CADPS: variants seen among roughly 807,000 people sequenced by gnomAD.
CADPS encodes calcium dependent secretion activator.
Under a neutral mutation model 167.3 loss-of-function variants are expected in CADPS, and 57 were observed. The observed-to-expected ratio is 0.34, with a 90% confidence interval of 0.28 to 0.42. The LOEUF (loss-of-function observed/expected upper bound fraction) is 0.42. CADPS is among the 20% of genes least tolerant of loss of function. The pLI is 1.00. For missense variants in CADPS, 1,414 were observed against 1,738.1 expected, an observed-to-expected ratio of 0.81 and a Z score of 3.32; for synonymous variants, 676 against 635.3, an observed-to-expected ratio of 1.06 and a Z score of -0.96.
chr3:62,460,375 C>T (rs2059191028), intron 26 of CADPS, among the ~76,000 whole-genome samples: 1 of 152,194 alleles, frequency 6.6e-6, no homozygotes, highest in Non-Finnish European at 1.5e-5. Flanking sequence ...AGTGAATAAT[C>T]TGGTGATGTT....
Position 62,481,845 on chromosome 3 carries a change from A to T in CADPS, c.3051T>A (p.Asn1017Lys). The T allele has an allele frequency of 6.2e-7, 1 of 1,611,736 alleles. No homozygotes were observed. The highest frequency in any genetic ancestry group is 1.1e-5 in the South Asian group (1 of 90,340). ...GAAGGTTCACATTGGGTAGGTTCAC[A>T]TTGGGTAGGTTACTGGTTAAACTCC... ...PVKSLTSNLP[N>K]VNLPNVNLPK... The change falls in exon 22 of 30, where the codon AAT becomes AAA. Residue 1017 changes from asparagine (N) to lysine (K), a missense_variant. By Grantham distance (94) the Asn-to-Lys change is moderately conservative. Transcript: ENST00000383710.
chr3:62,832,808 C>T (rs929887533), intron 1 of CADPS, among the ~76,000 whole-genome samples: 4 of 152,200 alleles, frequency 2.6e-5, no homozygotes, highest in African/African-American at 4.8e-5. Context: ...ATTGCAACTG[C>T]TGAAAAATCT....
At chr3:62,788,603 T>C (rs555692131) in intron 1 of CADPS, among the ~76,000 whole-genome samples, 7 of 152,332 alleles carry the variant, frequency 4.6e-5, no homozygotes, top group African/African-American at 1.7e-4. Flanking sequence ...ATGTGTACTT[T>C]AGTCCTGTTT....
chr3:62,717,554 T>C (rs1156637094), intron 3 of CADPS, among the ~76,000 whole-genome samples: 2 of 152,200 alleles, frequency 1.3e-5, no homozygotes, highest in Non-Finnish European at 2.9e-5. Flanking sequence ...ATCATGCTTA[T>C]TTCCTTTTTC....
chr3:62,802,074 A>G (rs574319858), intron 1 of CADPS, among the ~76,000 whole-genome samples: 5 of 152,282 alleles, frequency 3.3e-5, no homozygotes, highest in Non-Finnish European at 7.3e-5. Flanking sequence ...GCTGACCTAC[A>G]CAGCAAAAGT....
chr3:62,718,428 C>T (rs2075104172), intron 3 of CADPS, among the ~76,000 whole-genome samples: 1 of 152,204 alleles, frequency 6.6e-6, no homozygotes, highest in South Asian at 2.1e-4. Context: ...TATCTTTGAA[C>T]TCAAAGAGAA....
chr3:62,759,163 T>C (rs2084738297), intron 2 of CADPS, among the ~76,000 whole-genome samples: 1 of 152,140 alleles, frequency 6.6e-6, no homozygotes, highest in Admixed American at 6.6e-5. Context: ...TGTTGCTTGC[T>C]AGCTTTGCCA....
intron 10 of CADPS, among the ~76,000 whole-genome samples, chr3:62,555,684 T>C (rs1348632589): frequency 6.6e-6 from 1 of 152,194 alleles, no homozygotes; most frequent in Non-Finnish European, 1.5e-5. Context: ...TGGTATTGAT[T>C]TCCCTTCTCA....
intron 2 of CADPS, among the ~76,000 whole-genome samples, chr3:62,756,787 C>T (rs1000231952): frequency 2.0e-5 from 3 of 152,052 alleles, no homozygotes; most frequent in Non-Finnish European, 4.4e-5. Context: ...TGTGAAGACC[C>T]CAAGTGCCTG....
chr3:62,456,112 A>C (rs2058657283), intron 26 of CADPS, among the ~76,000 whole-genome samples: 1 of 152,070 alleles, frequency 6.6e-6, no homozygotes, highest in African/African-American at 2.4e-5. Context: ...AGTTCTATTA[A>C]ACTAGCTGTG....
intron 6 of CADPS, 125 bp from the exon 7 acceptor site, chr3:62,592,873 TCTC>T (rs956920569): frequency 4.4e-5 from 25 of 569,372 alleles, no homozygotes; most frequent in Admixed American, 1.9e-4. Flanking sequence ...CACATCCTCT[TCTC>T]CTCCCCTTCA....
In CADPS at chr3:62,874,719, T is replaced by C; in HGVS notation, c.311A>G (p.Glu104Gly). 1.3e-6 allele frequency: 2 copies of C among 1,536,882 alleles called. No individual in the cohort carries two copies. The highest frequency in any genetic ancestry group is 1.8e-6 in the Non-Finnish European group (2 of 1,133,506). The change falls in exon 1 of 30, where the codon GAG (glutamate) becomes GGG (glycine). Residue 104 changes from glutamate to glycine, a missense_variant. Physicochemically the swap from Glu to Gly is moderately conservative, Grantham distance 98. Around this residue, in one of 6 missense-constraint regions of CADPS, gnomAD observed 522 missense variants for 559.5 expected, o/e 0.93. Transcript: ENST00000383710. This position sits in a 1 kb window ranked among gnomAD's most constrained non-coding sequence, Gnocchi z 7.1. ...PSVVSEKEKEELERLQKEEEE... is the reference protein window; with the variant it reads ...PSVVSEKEKEGLERLQKEEEE... ...CTCCTCTTTCTGCAGCCGCTCCAAC[T>C]CTTCCTTCTCCTTCTCGCTCACCAC...
chr3:62,689,096 T>C lies in CADPS; in HGVS notation c.889-26702A>G, dbSNP rs184131995. Among the ~76,000 whole-genome samples the C allele has an allele frequency of 2.9e-3, 439 of 152,222 alleles. 1 individual carries two copies. The Middle Eastern group carries it at 0.031, about 11-fold the overall frequency. On this transcript the variant is annotated intron_variant, in intron 3 of 29. Coordinates refer to ENST00000383710, the MANE Select transcript of CADPS (RefSeq NM_003716.4). ...CAAGAGTTTTAGTGATATTTATTCGTAGAAAAATTTCTTAGTTCTAACAGT... is the reference window on the plus strand; with the variant it reads ...CAAGAGTTTTAGTGATATTTATTCGCAGAAAAATTTCTTAGTTCTAACAGT...
chr3:62,847,347 A>G (rs1471231392), intron 1 of CADPS, among the ~76,000 whole-genome samples: 1 of 128,002 alleles, frequency 7.8e-6, no homozygotes, highest in African/African-American at 3.2e-5. Context: ...TTACATATGT[A>G]TACATGTGCC....
chr3:62,685,682 C>T (rs74581855), intron 3 of CADPS, among the ~76,000 whole-genome samples: 10,840 of 67,660 alleles, frequency 0.16, 467 homozygotes, highest in Middle Eastern at 0.34. Flanking sequence ...ATTTTTTCAT[C>T]GGGGGGGTGG....
At chr3:62,780,414 A>G (rs2091350835) in intron 1 of CADPS, among the ~76,000 whole-genome samples, 3 of 152,156 alleles carry the variant, frequency 2.0e-5, no homozygotes, top group Admixed American at 1.3e-4. Context: ...ACACATTTCA[A>G]AAAAATAAAT....
chr3:62,635,160 T>C (rs1314499916), intron 6 of CADPS, among the ~76,000 whole-genome samples: 3 of 152,180 alleles, frequency 2.0e-5, no homozygotes, highest in African/African-American at 7.2e-5. Context: ...TTTTCTAGGT[T>C]CCAAGTCCCG....
chr3:62,581,440 T>A (rs2083413801), intron 8 of CADPS, among the ~76,000 whole-genome samples: 1 of 139,432 alleles, frequency 7.2e-6, no homozygotes, highest in African/African-American at 2.7e-5. Context: ...TTGAACCTGG[T>A]TAGAAAATTA....
intron 1 of CADPS, chr3:62,779,422 T>C (rs1170901897): frequency 2.1e-6 from 1 of 485,460 alleles, no homozygotes; most frequent in African/African-American, 2.0e-5. Flanking sequence ...CTTAATTTCA[T>C]TCTTGATTAT....
Sources: allele counts gnomAD v4.1 joint callset (sites outside exome capture counted in the v4.1 genomes callset), GRCh38; gene constraint gnomAD v4.1.1; regional missense constraint gnomAD v4.1.1; non-coding constraint Gnocchi (gnomAD v3.1); transcripts MANE v1.5; gene names NCBI Gene and HGNC (gene_info 2026-07-23, HGNC 2026-07-21).